The following PDE11A variants were observed in gnomAD, a reference collection of about 807,000 sequenced individuals.
The protein encoded by PDE11A is dual 3',5'-cyclic-AMP and -GMP phosphodiesterase 11A.
A neutral mutation model predicts 100.5 loss-of-function variants in PDE11A; 100 were observed. The ratio of observed to expected loss-of-function variants is 1.00; its 90% CI spans 0.85 to 1.18. The LOEUF is 1.18. PDE11A is among the 50% of genes most tolerant of loss of function. PDE11A has a pLI of 0.00. For missense variants in PDE11A, 1,141 were observed against 1,152.6 expected, an observed-to-expected ratio of 0.99 and a Z score of 0.15; for synonymous variants, 381 against 420.8, an observed-to-expected ratio of 0.91 and a Z score of 1.16.
intron 1 of PDE11A, among the ~76,000 whole-genome samples, chr2:178,023,783 A>T (rs1443560374): frequency 1.3e-5 from 2 of 152,198 alleles, no homozygotes; most frequent in African/African-American, 4.8e-5. Context: ...TTGAGTTACA[A>T]AATATAGCTC....
intron 2 of PDE11A, among the ~76,000 whole-genome samples, chr2:178,001,161 CTT>C (rs1291348332): frequency 6.6e-6 from 1 of 152,106 alleles, no homozygotes; most frequent in Non-Finnish European, 1.5e-5. Flanking sequence ...AGAGTACACT[CTT>C]AAATGTTTCC....
chr2:178,032,828 C>T (rs554799888), intron 1 of PDE11A, among the ~76,000 whole-genome samples: 76 of 152,308 alleles, frequency 5.0e-4, no homozygotes, highest in African/African-American at 1.8e-3. Flanking sequence ...AGAAGAAAAA[C>T]TAACAAACAG....
intron 10 of PDE11A, among the ~76,000 whole-genome samples, chr2:177,764,542 G>T (rs1043181809): frequency 1.3e-5 from 2 of 152,248 alleles, no homozygotes; most frequent in South Asian, 4.1e-4. Context: ...ATATAATTGG[G>T]GTACTAAACT....
intron 1 of PDE11A, among the ~76,000 whole-genome samples, chr2:178,022,289 A>G (rs2086422567): frequency 6.6e-6 from 1 of 152,142 alleles, no homozygotes; most frequent in Non-Finnish European, 1.5e-5. Flanking sequence ...AAATGACTCC[A>G]TATTTCTGGT....
At chr2:178,015,499 C>A (rs1222813032) in intron 1 of PDE11A, among the ~76,000 whole-genome samples, 1 of 151,988 alleles carries the variant, frequency 6.6e-6, no homozygotes, top group Non-Finnish European at 1.5e-5. Context: ...ACTGAAGAGA[C>A]CTGAAATCCA....
chr2:177,791,695 A>T (rs2082635411), intron 9 of PDE11A, among the ~76,000 whole-genome samples: 1 of 152,170 alleles, frequency 6.6e-6, no homozygotes. Context: ...AATAAGTAAG[A>T]TTATAGTATA....
At chr2:177,915,337 A>G (rs994103787) in intron 2 of PDE11A, among the ~76,000 whole-genome samples, 22 of 152,168 alleles carry the variant, frequency 1.4e-4, no homozygotes, top group African/African-American at 4.3e-4. Context: ...CCTGTGCTTC[A>G]CCTGCTAATC....
At chr2:177,795,935 CTATATATATATA>C (rs55861102) in intron 9 of PDE11A, among the ~76,000 whole-genome samples, 12,976 of 67,232 alleles carry the variant, frequency 0.19, 1,371 homozygotes, top group Middle Eastern at 0.46. Flanking sequence ...TTTGTTTAAA[CTATATATATATA>C]TATATATATA....
At chr2:177,999,183 A>G (rs970214325) in intron 2 of PDE11A, among the ~76,000 whole-genome samples, 1 of 152,180 alleles carries the variant, frequency 6.6e-6, no homozygotes, top group African/African-American at 2.4e-5. Flanking sequence ...TCATCCAAGG[A>G]TCGTGGTCCT....
upstream of PDE11A, among the ~76,000 whole-genome samples, chr2:178,074,355 C>T (rs1179772367): frequency 1.3e-5 from 2 of 151,994 alleles, no homozygotes; most frequent in African/African-American, 2.4e-5. Flanking sequence ...TTGAATGAAT[C>T]GTATGGTATG....
chr2:178,096,526 G>A (rs2105886534), intron 2 of PDE11A, among the ~76,000 whole-genome samples: 1 of 152,078 alleles, frequency 6.6e-6, no homozygotes, highest in East Asian at 1.9e-4. Flanking sequence ...AAACTTTTAT[G>A]CTCTGTCACC....
intron 2 of PDE11A, among the ~76,000 whole-genome samples, chr2:178,101,832 TTAA>T (rs1475912316): frequency 3.3e-5 from 5 of 152,228 alleles, no homozygotes; most frequent in Non-Finnish European, 5.9e-5. Flanking sequence ...TGATATTGTG[TTAA>T]TAATAAATAT....
intron 4 of PDE11A, among the ~76,000 whole-genome samples, chr2:177,876,843 T>C (rs1433575713): frequency 6.8e-6 from 1 of 147,958 alleles, no homozygotes; most frequent in East Asian, 1.9e-4. Context: ...CGGAAACCTT[T>C]CCTTCTACCC....
intron 2 of PDE11A, among the ~76,000 whole-genome samples, chr2:177,943,556 T>A (rs1292366633): frequency 6.6e-5 from 10 of 152,234 alleles, no homozygotes; most frequent in Admixed American, 6.5e-4. Flanking sequence ...TCTAAGTCCT[T>A]TGCCCATTTT....
intron 9 of PDE11A, among the ~76,000 whole-genome samples, chr2:177,795,357 C>T (rs1422913311): frequency 6.6e-6 from 1 of 152,210 alleles, no homozygotes; most frequent in East Asian, 1.9e-4. Context: ...TTTCTCCAGT[C>T]TCTGCTCTGG....
chr2:177,691,947 C>A (rs1259948669), intron 15 of PDE11A, among the ~76,000 whole-genome samples: 1 of 152,184 alleles, frequency 6.6e-6, no homozygotes, highest in Non-Finnish European at 1.5e-5. Context: ...AAATACCTTT[C>A]CTTTCCTTTT....
intron 2 of PDE11A, among the ~76,000 whole-genome samples, chr2:177,937,255 C>A (rs571924077): frequency 6.6e-6 from 1 of 151,962 alleles, no homozygotes; most frequent in South Asian, 2.1e-4. Flanking sequence ...TAAATGTCAA[C>A]CCTGGGGGAG....
intron 10 of PDE11A, among the ~76,000 whole-genome samples, chr2:177,752,626 G>T (rs1019061842): frequency 6.6e-6 from 1 of 152,202 alleles, no homozygotes; most frequent in Non-Finnish European, 1.5e-5. Flanking sequence ...AGATTTGCAA[G>T]TTCGGGTTTA....
rs1253492580 is a variant in PDE11A, at chr2:177,624,280, A to G, written c.*5127T>C. The G allele has an allele frequency of 6.9e-6, 1 of 144,966 alleles. No homozygotes were observed. The highest frequency in any genetic ancestry group is 2.2e-4 in the South Asian group (1 of 4,582). 9.0% of individuals were successfully genotyped at this position (144,966 alleles called of 1,614,324 possible). A position where few individuals can be genotyped will look rare whatever the true frequency, so the allele number is the denominator to read the frequency against. On this transcript the variant is annotated 3_prime_UTR_variant, in exon 20 of 20. Coordinates refer to ENST00000286063, the MANE Select transcript of PDE11A (RefSeq NM_016953.4). ...TGGTGGTTTTTTTTTTTTTCAGCCAAGGCATTTTTCTTTATATTTAAATCT... is the reference window on the plus strand; with the variant it reads ...TGGTGGTTTTTTTTTTTTTCAGCCAGGGCATTTTTCTTTATATTTAAATCT...
Sources: gnomAD v4.1 joint callset for allele counts (sites outside exome capture counted in the v4.1 genomes callset) on GRCh38, gnomAD v4.1.1 for gene constraint, MANE v1.5 for transcripts, NCBI Gene and HGNC (gene_info 2026-07-23, HGNC 2026-07-21) for gene names.